Variants in COL11A1 observed in about 807,000 individuals in gnomAD.
The protein encoded by COL11A1 is collagen type XI alpha 1 chain, also known as collagen alpha-1(XI) chain.
Under a neutral mutation model 265.2 loss-of-function variants are expected in COL11A1, and 74 were observed. The ratio of observed to expected loss-of-function variants is 0.28; its 90% CI spans 0.23 to 0.34. The LOEUF (loss-of-function observed/expected upper bound fraction) is 0.34. COL11A1 is among the 10% of genes least tolerant of loss of function. The pLI, the probability that COL11A1 is intolerant of heterozygous loss-of-function variation, is 1.00. For missense variants in COL11A1, 2,165 were observed against 2,263.6 expected (o/e 0.96, Z 0.88); for synonymous variants, 816 against 727.6 (o/e 1.12, Z -1.96).
intron 4 of COL11A1, among the ~76,000 whole-genome samples, chr1:103,039,063 T>C (rs1380057682): frequency 6.6e-6 from 1 of 152,204 alleles, no homozygotes; most frequent in East Asian, 1.9e-4. Context: ...GGTCAATCTC[T>C]TAAGTCTAAG....
At chr1:102,928,197 C>G (rs143545111) in intron 46 of COL11A1, among the ~76,000 whole-genome samples, 1 of 151,818 alleles carries the variant, frequency 6.6e-6, no homozygotes, top group African/African-American at 2.4e-5. Context: ...TGTGCTGCAC[C>G]CACTAACTCG....
At chr1:102,966,428 C>A (rs1661411301) in intron 37 of COL11A1, among the ~76,000 whole-genome samples, 1 of 152,088 alleles carries the variant, frequency 6.6e-6, no homozygotes, top group Non-Finnish European at 1.5e-5. Flanking sequence ...TTCCCAATAA[C>A]TATGAATGAA....
At chr1:103,071,249 A>C (rs557500288) in intron 4 of COL11A1, among the ~76,000 whole-genome samples, 1 of 112,144 alleles carries the variant, frequency 8.9e-6, no homozygotes, top group Non-Finnish European at 2.1e-5. Context: ...TGATTATTTT[A>C]AAAAATTAGG....
chr1:102,958,298 A>C (rs1660562941), intron 41 of COL11A1, among the ~76,000 whole-genome samples: 1 of 152,164 alleles, frequency 6.6e-6, no homozygotes, highest in Non-Finnish European at 1.5e-5. Context: ...TTACCTTTTA[A>C]AGAAATCCCT....
chr1:102,938,149 A>G (rs1180419964), intron 44 of COL11A1, among the ~76,000 whole-genome samples: 2 of 152,194 alleles, frequency 1.3e-5, no homozygotes, highest in Non-Finnish European at 2.9e-5. Flanking sequence ...GATTCCATCA[A>G]TTCTAATAAA....
intron 42 of COL11A1, among the ~76,000 whole-genome samples, chr1:102,945,247 A>ACTCC (rs56168825): frequency 1.1e-4 from 14 of 129,174 alleles, no homozygotes; most frequent in Admixed American, 6.4e-4. Context: ...TTTTCTTTTT[A>ACTCC]CTCTCTCTCT....
At chr1:103,034,857 C>T (rs945575207) in intron 4 of COL11A1, among the ~76,000 whole-genome samples, 1 of 152,018 alleles carries the variant, frequency 6.6e-6, no homozygotes, top group Non-Finnish European at 1.5e-5. Flanking sequence ...TTCCGCCAGG[C>T]CTACTGTTAT....
chr1:103,014,731 C>A (rs1666420977), intron 12 of COL11A1, 137 bp from the exon 13 acceptor site: 2 of 728,364 alleles, frequency 2.7e-6, no homozygotes, highest in South Asian at 3.1e-5. Context: ...CGTAATGAAT[C>A]ATGAGATCTA....
chr1:102,964,656 G>T (rs1232514354), intron 38 of COL11A1, among the ~76,000 whole-genome samples: 1 of 151,888 alleles, frequency 6.6e-6, no homozygotes, highest in Non-Finnish European at 1.5e-5. Flanking sequence ...GCATGTGTGT[G>T]TGTATGTGTG....
Position 103,101,392 on chromosome 1 carries a change from C to A in COL11A1, c.106+6681G>T, listed in dbSNP as rs148895397. On this transcript the variant is annotated intron_variant, in intron 1 of 66. Transcript: ENST00000370096. ...GACAGAAGTAAAGGAAAGACAGACACCACTTCAATATTTACATTTTTTTCT... is the reference window on the plus strand; with the variant it reads ...GACAGAAGTAAAGGAAAGACAGACAACACTTCAATATTTACATTTTTTTCT... 3.8e-4 allele frequency among the ~76,000 whole-genome samples: 58 copies of A among 152,102 alleles called. No individual in the cohort carries two copies. The East Asian group carries it at 6.2e-3, about 16-fold the overall frequency.
At chr1:103,042,186 C>T (rs12731591) in intron 4 of COL11A1, among the ~76,000 whole-genome samples, 5,917 of 151,816 alleles carry the variant, frequency 0.039, 130 homozygotes, top group Middle Eastern at 0.1. Context: ...AGTATCATGC[C>T]GACACTATGA....
At chr1:102,963,062 T>A (rs1570882384) in intron 38 of COL11A1, among the ~76,000 whole-genome samples, 1 of 152,238 alleles carries the variant, frequency 6.6e-6, no homozygotes, top group African/African-American at 2.4e-5. Context: ...CCAAGTATTA[T>A]GAAAACTATG....
chr1:102,905,083 T>G (rs1243380534), intron 54 of COL11A1, among the ~76,000 whole-genome samples: 1 of 151,384 alleles, frequency 6.6e-6, no homozygotes, highest in African/African-American at 2.4e-5. Context: ...GGGACATGGA[T>G]GAAACTGGAA....
intron 4 of COL11A1, among the ~76,000 whole-genome samples, chr1:103,067,153 A>G (rs1304563824): frequency 3.3e-5 from 5 of 152,012 alleles, no homozygotes; most frequent in African/African-American, 9.6e-5. Context: ...GATCTAAGTG[A>G]CATTTATAAA....
chr1:103,054,597 A>G lies in COL11A1; in HGVS notation c.651+20021T>C, dbSNP rs537172860. On this transcript the variant is annotated intron_variant, in intron 4 of 66. Coordinates refer to ENST00000370096, the MANE Select transcript of COL11A1 (RefSeq NM_001854.4). ...TTGTTGTTGTTGTTGTTGTTTCTAA[A>G]AAAAAGAAAAAAAAAGCCAACAGGT... 5.0e-4 allele frequency among the ~76,000 whole-genome samples: 75 copies of G among 149,774 alleles called. No homozygotes were observed. The East Asian group carries it at 0.013, about 25-fold the overall frequency.
intron 1 of COL11A1, among the ~76,000 whole-genome samples, chr1:103,095,428 A>C (rs559087124): frequency 6.6e-6 from 1 of 152,156 alleles, no homozygotes; most frequent in South Asian, 2.1e-4. Flanking sequence ...ATATCAAATA[A>C]AAAGAACAGG....
At chr1:102,943,450 C>CAT (rs1483734875) in intron 42 of COL11A1, among the ~76,000 whole-genome samples, 1 of 119,194 alleles carries the variant, frequency 8.4e-6, no homozygotes, top group African/African-American at 3.4e-5. Flanking sequence ...CACACACACA[C>CAT]ATACACACAC....
intron 57 of COL11A1, among the ~76,000 whole-genome samples, chr1:102,895,791 A>AT (rs557562224): frequency 2.5e-4 from 38 of 150,276 alleles, no homozygotes; most frequent in Non-Finnish European, 5.0e-4. Context: ...AACTCTGTGT[A>AT]TATCTAGTAT....
intron 15 of COL11A1, among the ~76,000 whole-genome samples, chr1:103,007,763 A>C (rs1375618185): frequency 1.3e-5 from 2 of 150,948 alleles, no homozygotes. Flanking sequence ...GGGAGGCTAA[A>C]GTAGGAGGAT....
Sources: allele counts gnomAD v4.1 joint callset (sites outside exome capture counted in the v4.1 genomes callset), GRCh38; gene constraint gnomAD v4.1.1; transcripts MANE v1.5; gene names NCBI Gene and HGNC (gene_info 2026-07-23, HGNC 2026-07-21).